ZC3H18: variants seen among roughly 807,000 people sequenced by gnomAD.
ZC3H18 encodes the protein zinc finger CCCH-type containing 18.
A neutral mutation model predicts 106.1 loss-of-function variants in ZC3H18; 8 were observed. That is an observed-to-expected ratio of 0.08 (90% confidence interval 0.04 to 0.14). The LOEUF (loss-of-function observed/expected upper bound fraction) is 0.14. ZC3H18 is among the 10% of genes least tolerant of loss of function. ZC3H18 has a pLI of 1.00. For synonymous variants in ZC3H18, 635 were observed against 522.1 expected (o/e 1.22, Z -2.95); for missense variants, 1,318 against 1,278.4 (o/e 1.03, Z -0.47).
chr16:88,589,092 T>G (rs1183948971), intron 3 of ZC3H18, among the ~76,000 whole-genome samples: 1 of 152,226 alleles, frequency 6.6e-6, no homozygotes, highest in Non-Finnish European at 1.5e-5. Context: ...TCTGCCTACC[T>G]GCAGTTTATA....
At chr16:88,602,984 A>G (rs556248417) in intron 6 of ZC3H18, among the ~76,000 whole-genome samples, 1 of 148,742 alleles carries the variant, frequency 6.7e-6, no homozygotes, top group South Asian at 2.1e-4. Flanking sequence ...TTTTTTTTTG[A>G]GACGGAGTCT....
intron 17 of ZC3H18, among the ~76,000 whole-genome samples, 163 bp downstream of exon 17, chr16:88,630,744 G>GCC (rs1166450569): frequency 1.4e-3 from 107 of 76,458 alleles, no homozygotes; most frequent in African/African-American, 2.4e-3. Context: ...GCGAATTGCA[G>GCC]CCCCACCCCC....
rs145615517 is a variant in ZC3H18 at position 88,593,176 on chromosome 16, C to T, written c.689-5002C>T. Among the ~76,000 whole-genome samples, 854 of 152,312 alleles carry T rather than the reference C, an allele frequency of 5.6e-3. 14 individuals are homozygous for T. Among genetic ancestry groups the T allele is most frequent in the African/African-American group, 0.019 (789 of 41,560 alleles). On this transcript the variant is annotated intron_variant, in intron 3 of 17. Transcript: ENST00000301011. ...GATGAAATATGCTCGCATGATGACA[C>T]GGAGGCCCTGCCACTTAGCATTGGG... is the stretch of plus-strand genomic sequence containing the variant.
At chr16:88,591,212 T>C (rs113742536) in intron 3 of ZC3H18, among the ~76,000 whole-genome samples, 7,992 of 151,628 alleles carry the variant, frequency 0.053, 704 homozygotes, top group African/African-American at 0.18. Context: ...CCTCGTGATC[T>C]GCCCTCCTCG....
rs771957462 is a variant in ZC3H18, at chr16:88,622,237, G to C, written c.1516G>C (p.Gly506Arg). 14 of 1,612,880 alleles carry C rather than the reference G, an allele frequency of 8.7e-6. 1 individual carries two copies. Among genetic ancestry groups the C allele is most frequent in the East Asian group, 4.5e-5 (2 of 44,858 alleles). Residue 506 changes from glycine to arginine, a missense_variant, in exon 9 of 18, where the codon GGG becomes CGG. By Grantham distance (125) the Gly-to-Arg change is moderately radical. This residue lies in a region of ZC3H18 where 848 missense variants were observed against 821.7 expected (regional missense o/e 1.03). Transcript: ENST00000301011. Reference sequence around the variant, plus strand: ...ACCAAAGAAGGAGGCTGCCACCACGGGGCCGCAGGTGAAGAGAGCAGATGA... The same window carrying C: ...ACCAAAGAAGGAGGCTGCCACCACGCGGCCGCAGGTGAAGAGAGCAGATGA... ...EPPKKEAATT[G>R]PQVKRADEWK...
intron 8 of ZC3H18, 31 bp downstream of exon 8, chr16:88,611,567 T>TG: frequency 6.5e-7 from 1 of 1,545,026 alleles, no homozygotes; most frequent in Non-Finnish European, 8.7e-7. Flanking sequence ...CCCAGGGGTG[T>TG]GGGGGAGGTC....
At chr16:88,583,995 CTGTCT>C (rs773824435) in intron 2 of ZC3H18, among the ~76,000 whole-genome samples, 1 of 152,116 alleles carries the variant, frequency 6.6e-6, no homozygotes, top group African/African-American at 2.4e-5. Flanking sequence ...CTCTGGGTCC[CTGTCT>C]TGAGTTGTCT....
chr16:88,575,615 A>G (rs1000708073), intron 1 of ZC3H18, among the ~76,000 whole-genome samples: 1 of 152,076 alleles, frequency 6.6e-6, no homozygotes, highest in East Asian at 1.9e-4. Context: ...TGTACTTTCT[A>G]TGAGTTTTTG....
At position 88,630,688 on chromosome 16, in the gene ZC3H18, C is replaced by T. The variant is rs904150727; in HGVS notation, c.2663+107C>T. 48 of 846,386 alleles carry T rather than the reference C, an allele frequency of 5.7e-5. No individual in the cohort carries two copies. The African/African-American group carries it at 5.7e-4, about 10-fold the overall frequency. 52.4% of individuals were successfully genotyped at this position (846,386 alleles called of 1,614,324 possible). On this transcript the variant is annotated intron_variant, in intron 17 of 17. Coordinates refer to ENST00000301011, the MANE Select transcript of ZC3H18 (RefSeq NM_144604.4). ...GGCTAGCACTGGGCCAGGCTGGAGG[C>T]GTCACTACAGCTCCTGCTGGTCTGA...
Position 88,611,325 on chromosome 16 carries a change from G to A in ZC3H18, c.1264G>A (p.Glu422Lys). ...ACAGCGCGAGCGCGAGCGGGAGCGG[G>A]AGCGGGACCGAGAGCGGGAGCGCCG... The part of the protein sequence containing the change: ...NRQRERERER[E>K]RDRERERRQR... The change falls in exon 8 of 18, where the codon GAG becomes AAG. Residue 422 changes from glutamate (E) to lysine (K), a missense_variant. By Grantham distance (56) the Glu-to-Lys change is moderately conservative. Transcript: ENST00000301011. 2 of 760,178 alleles carry A rather than the reference G, an allele frequency of 2.6e-6. No individual in the cohort carries two copies. Among genetic ancestry groups the A allele is most frequent in the Non-Finnish European group, 4.7e-6 (2 of 421,504 alleles). The allele number at this position is 760,178 out of a possible 1,614,324, so 47.1% of individuals were successfully genotyped here. A position where few individuals can be genotyped will look rare whatever the true frequency, so the allele number is the denominator to read the frequency against.
chr16:88,628,908 C>T (rs2142838987), intron 16 of ZC3H18, 54 bp downstream of exon 16: 1 of 1,596,120 alleles, frequency 6.3e-7, no homozygotes, highest in Non-Finnish European at 8.6e-7. Flanking sequence ...CCTGGGGATG[C>T]GGAGCAGCTG....
chr16:88,578,420 A>G (rs751094529), intron 2 of ZC3H18, among the ~76,000 whole-genome samples: 4 of 152,182 alleles, frequency 2.6e-5, no homozygotes, highest in Admixed American at 6.5e-5. Flanking sequence ...TGGAAAAACT[A>G]TGAGTGTTTC....
chr16:88,591,209 A>G (rs1915731702), intron 3 of ZC3H18, among the ~76,000 whole-genome samples: 1 of 151,824 alleles, frequency 6.6e-6, no homozygotes, highest in Non-Finnish European at 1.5e-5. Context: ...TGACCTCGTG[A>G]TCTGCCCTCC....
chr16:88,577,716 G>A lies in ZC3H18; in HGVS notation c.593G>A (p.Gly198Glu). ...GACGATGATGGAGAAATCGATGATG[G>A]GGAAATAGACGTGAGTATGATGGAG... ...KEDDDGEIDDGEIDDDDLEEG... is the reference protein window; with the variant it reads ...KEDDDGEIDDEEIDDDDLEEG... The change falls in exon 2 of 18, where the codon GGG becomes GAG. Residue 198 changes from glycine (G) to glutamate (E), a missense_variant. By Grantham distance (98) the Gly-to-Glu change is moderately conservative (BLOSUM62 -2). Transcript: ENST00000301011. 1 of 1,613,390 alleles carries A rather than the reference G, an allele frequency of 6.2e-7. No homozygotes were observed. Among genetic ancestry groups the A allele is most frequent in the Non-Finnish European group, 8.5e-7 (1 of 1,180,030 alleles).
chr16:88,616,706 A>T (rs1905629844), intron 8 of ZC3H18, among the ~76,000 whole-genome samples: 1 of 152,180 alleles, frequency 6.6e-6, no homozygotes, highest in Non-Finnish European at 1.5e-5. Context: ...GTTTGTAATC[A>T]TTAGGTGGAT....
In ZC3H18 at chr16:88,574,365, A is replaced by G. The variant is rs542539926; in HGVS notation, c.-14-2745A>G. ...GCTTGGATAACAGGCACCTGCTATC[A>G]TGCCCAGCTAATTTTTGTATTTTAG... is the stretch of plus-strand genomic sequence containing the variant. On this transcript the variant is annotated intron_variant, in intron 1 of 17. Transcript: ENST00000301011. Among the ~76,000 whole-genome samples the G allele has an allele frequency of 2.6e-5, 4 of 151,948 alleles. No homozygotes were observed. In the South Asian group the frequency reaches 8.3e-4, roughly 32 times the overall value.
intron 2 of ZC3H18, among the ~76,000 whole-genome samples, chr16:88,580,472 G>T (rs552216854): frequency 2.6e-5 from 4 of 152,246 alleles, no homozygotes; most frequent in Middle Eastern, 6.8e-3. Flanking sequence ...CTCCACCCTT[G>T]TGGGAAGGAC....
At chr16:88,595,275 G>GCCGCCT (rs1218133752) in intron 3 of ZC3H18, among the ~76,000 whole-genome samples, 2 of 152,080 alleles carry the variant, frequency 1.3e-5, no homozygotes. Flanking sequence ...CAGTGGAGGG[G>GCCGCCT]CCGCCTCCGC....
In ZC3H18 at chr16:88,628,138, C is replaced by T; in HGVS notation, c.2469+19C>T. 6.2e-7 allele frequency: 1 copy of T among 1,608,576 alleles called. No homozygotes were observed. Among genetic ancestry groups the T allele is most frequent in the African/African-American group, 1.3e-5 (1 of 74,948 alleles). On this transcript the variant is annotated intron_variant, in intron 15 of 17. Transcript: ENST00000301011. Reference sequence around the variant, plus strand: ...GAATAAGGTGAGGGCAAGGGCCCTCCTGGTGGCTGCCCCAGCGTCTAGGCC... The same window carrying T: ...GAATAAGGTGAGGGCAAGGGCCCTCTTGGTGGCTGCCCCAGCGTCTAGGCC...
Sources: gnomAD v4.1 joint callset for allele counts (sites outside exome capture counted in the v4.1 genomes callset) on GRCh38, gnomAD v4.1.1 for gene constraint, gnomAD v4.1.1 regional missense constraint, MANE v1.5 for transcripts, NCBI Gene and HGNC (gene_info 2026-07-23, HGNC 2026-07-21) for gene names.